Variants in CNTNAP5 observed in about 807,000 individuals in gnomAD.
CNTNAP5 encodes the protein contactin associated protein family member 5, also known as contactin-associated protein-like 5.
In CNTNAP5, 72 loss-of-function variants were observed where a neutral mutation model predicts 150.2. The ratio of observed to expected loss-of-function variants is 0.48; its 90% CI spans 0.40 to 0.58. The LOEUF (loss-of-function observed/expected upper bound fraction) is 0.58, where lower values mean the gene tolerates loss of function less well. CNTNAP5 is among the 20% of genes least tolerant of loss of function. The pLI is 0.00. For synonymous variants in CNTNAP5, 672 were observed against 619.8 expected, an observed-to-expected ratio of 1.08 and a Z score of -1.25; for missense variants, 1,636 against 1,626.2, an observed-to-expected ratio of 1.01 and a Z score of -0.10.
intron 1 of CNTNAP5, among the ~76,000 whole-genome samples, chr2:124,046,791 C>T (rs1681550729): frequency 6.6e-6 from 1 of 152,148 alleles, no homozygotes; most frequent in Non-Finnish European, 1.5e-5. Flanking sequence ...ATGACAAAAG[C>T]TCCACTGACA....
chr2:124,765,666 G>A (rs1230566710), intron 16 of CNTNAP5, among the ~76,000 whole-genome samples: 1 of 152,060 alleles, frequency 6.6e-6, no homozygotes, highest in African/African-American at 2.4e-5. Context: ...TTAAGAGTAA[G>A]AACTTAAGTC....
At chr2:124,698,426 A>G (rs926289560) in intron 13 of CNTNAP5, among the ~76,000 whole-genome samples, 5 of 145,822 alleles carry the variant, frequency 3.4e-5, no homozygotes, top group Non-Finnish European at 6.1e-5. Context: ...ATTTATATGT[A>G]TATATTTAGT....
rs149353350 is a variant in CNTNAP5 at position 124,751,337 on chromosome 2, G to A, written c.2234+3952G>A. 1.8e-4 allele frequency among the ~76,000 whole-genome samples: 28 copies of A among 152,292 alleles called. 1 individual carries two copies. The East Asian group carries it at 5.2e-3, about 28-fold the overall frequency. On this transcript the variant is annotated intron_variant, in intron 14 of 23. Transcript: ENST00000682447. The stretch of plus-strand genomic sequence containing the variant: ...GTTGCACAGTCGTCATTTGAGAAAT[G>A]TACAGAAGATAAAGGAAAGGAGGAA...
intron 8 of CNTNAP5, among the ~76,000 whole-genome samples, chr2:124,504,858 C>T (rs187625244): frequency 1.1e-3 from 164 of 151,952 alleles, no homozygotes; most frequent in Non-Finnish European, 5.0e-4. Context: ...AGATGCACAC[C>T]ACCACATCCA....
At chr2:124,564,938 T>C (rs1267612437) in intron 11 of CNTNAP5, among the ~76,000 whole-genome samples, 1 of 152,174 alleles carries the variant, frequency 6.6e-6, no homozygotes, top group Non-Finnish European at 1.5e-5. Flanking sequence ...CAGTGAGAAC[T>C]ATCGCTCAGG....
chr2:124,837,585 A>G (rs1378525485), intron 19 of CNTNAP5, among the ~76,000 whole-genome samples: 1 of 152,094 alleles, frequency 6.6e-6, no homozygotes, highest in Admixed American at 6.5e-5. Flanking sequence ...GGGGTGGGAG[A>G]GTTATTTGGG....
chr2:124,280,733 T>C (rs1687992325), intron 3 of CNTNAP5, among the ~76,000 whole-genome samples: 1 of 152,060 alleles, frequency 6.6e-6, no homozygotes, highest in Non-Finnish European at 1.5e-5. Flanking sequence ...GACACTTCTC[T>C]TATCCCATCT....
chr2:124,571,852 A>T (rs539592752), intron 11 of CNTNAP5, among the ~76,000 whole-genome samples: 3 of 151,972 alleles, frequency 2.0e-5, no homozygotes, highest in Non-Finnish European at 4.4e-5. Flanking sequence ...TTGTTAAACG[A>T]CTGGATAGAT....
chr2:124,508,874 CTTACA>C (rs1289983228), intron 8 of CNTNAP5, among the ~76,000 whole-genome samples: 1 of 152,144 alleles, frequency 6.6e-6, no homozygotes, highest in Admixed American at 6.5e-5. Context: ...TTTCTCTTTC[CTTACA>C]TTTCTGAGGA....
At position 124,388,015 on chromosome 2, in the gene CNTNAP5, C is replaced by T. The variant is rs184305439; in HGVS notation, c.382-29428C>T. ...CATTCTAAAGGGGTGACATTTCAAACTAGCCACCTCTCCTCATAGGCTTCA... is the reference window on the plus strand; with the variant it reads ...CATTCTAAAGGGGTGACATTTCAAATTAGCCACCTCTCCTCATAGGCTTCA... On this transcript the variant is annotated intron_variant, in intron 3 of 23. Transcript: ENST00000682447. Among the ~76,000 whole-genome samples, 142 of 152,202 alleles carry T rather than the reference C, an allele frequency of 9.3e-4. 5 individuals carry two copies. In the East Asian group the frequency reaches 0.026, roughly 28 times the overall value.
At chr2:124,655,873 C>G (rs1448361982) in intron 13 of CNTNAP5, among the ~76,000 whole-genome samples, 1 of 148,942 alleles carries the variant, frequency 6.7e-6, no homozygotes, top group Non-Finnish European at 1.5e-5. Context: ...TGCACTCCAG[C>G]CTCAACAACA....
chr2:124,754,217 A>G (rs1293528804), intron 14 of CNTNAP5, among the ~76,000 whole-genome samples: 2 of 152,234 alleles, frequency 1.3e-5, no homozygotes, highest in African/African-American at 4.8e-5. Context: ...TCTGAGAGAA[A>G]TAACAATTCA....
At chr2:124,188,716 CAAAA>C (rs70996047) in intron 1 of CNTNAP5, among the ~76,000 whole-genome samples, 25 of 73,060 alleles carry the variant, frequency 3.4e-4, no homozygotes, top group African/African-American at 1.3e-3. Context: ...GACTCTGTCT[CAAAA>C]AAAAAAAAAA....
At position 124,475,405 on chromosome 2, in the gene CNTNAP5, G is replaced by A. The variant is rs571722623; in HGVS notation, c.1062+523G>A. On this transcript the variant is annotated intron_variant, in intron 7 of 23. Coordinates refer to ENST00000682447, the MANE Select transcript of CNTNAP5 (RefSeq NM_001367498.1). ...TCTTCCCTAATAATGAGTTTCATGAGGGTCAGGACTGTGTTTTCTTTTTAC... is the reference window on the plus strand; with the variant it reads ...TCTTCCCTAATAATGAGTTTCATGAAGGTCAGGACTGTGTTTTCTTTTTAC... 2.0e-5 allele frequency among the ~76,000 whole-genome samples: 3 copies of A among 152,124 alleles called. No individual in the cohort carries two copies. In the South Asian group the frequency reaches 6.2e-4, roughly 32 times the overall value.
At chr2:124,164,427 AAG>A (rs1279670353) in intron 1 of CNTNAP5, among the ~76,000 whole-genome samples, 1 of 152,202 alleles carries the variant, frequency 6.6e-6, no homozygotes, top group African/African-American at 2.4e-5. Flanking sequence ...GTAAGTGACA[AAG>A]AGAGAAATAA....
At chr2:124,384,792 G>A (rs1042866503) in intron 3 of CNTNAP5, among the ~76,000 whole-genome samples, 1 of 152,118 alleles carries the variant, frequency 6.6e-6, no homozygotes, top group Non-Finnish European at 1.5e-5. Context: ...GATTTCCCCA[G>A]CGTTCTAACC....
intron 3 of CNTNAP5, among the ~76,000 whole-genome samples, chr2:124,349,065 G>A (rs937036144): frequency 2.6e-5 from 4 of 152,138 alleles, no homozygotes; most frequent in African/African-American, 9.7e-5. Flanking sequence ...TAGAAGTGTT[G>A]CTTTGATTGG....
At chr2:124,475,441 A>T (rs1375614572) in intron 7 of CNTNAP5, among the ~76,000 whole-genome samples, 2 of 152,042 alleles carry the variant, frequency 1.3e-5, no homozygotes, top group Non-Finnish European at 2.9e-5. Flanking sequence ...TACTGCATTC[A>T]CAATGCCTAA....
In CNTNAP5 at chr2:124,434,518, A is replaced by G. The variant is rs1300562311; in HGVS notation, c.564A>G (p.Ser188=). The G allele has an allele frequency of 6.2e-7, 1 of 1,613,902 alleles. No homozygotes were observed. The highest frequency in any genetic ancestry group is 1.1e-5 in the South Asian group (1 of 91,080). ...TTGCTGACTTTGATGGCCGAAGCTC[A>G]CTTCTGTACAGGTTCAATCAGAAGT... ...SDVADFDGRS[S]LLYRFNQKLM... The change falls in exon 5 of 24, where the codon TCA becomes TCG. Residue 188 remains serine, a synonymous_variant. Coordinates refer to ENST00000682447, the MANE Select transcript of CNTNAP5 (RefSeq NM_001367498.1).
Sources: gnomAD v4.1 joint callset for allele counts (sites outside exome capture counted in the v4.1 genomes callset) on GRCh38, gnomAD v4.1.1 for gene constraint, MANE v1.5 for transcripts, NCBI Gene and HGNC (gene_info 2026-07-23, HGNC 2026-07-21) for gene names.